Variants in EHD3 observed in about 807,000 individuals in gnomAD.
EHD3 encodes the protein EH domain containing 3, also known as EH domain-containing protein 3.
EHD3 carries 17 observed loss-of-function variants against 43.0 expected under a neutral mutation model. That is an observed-to-expected ratio of 0.40 (90% CI 0.27 to 0.59). The LOEUF (loss-of-function observed/expected upper bound fraction) is 0.59, where lower values mean the gene tolerates loss of function less well. Among genes scored for constraint, EHD3 ranks in the 20% least tolerant of loss-of-function variants. EHD3 has a pLI of 0.49. For missense variants in EHD3, 594 were observed against 705.6 expected, an observed-to-expected ratio of 0.84 and a Z score of 1.79; for synonymous variants, 313 against 289.5, an observed-to-expected ratio of 1.08 and a Z score of -0.82.
chr2:31,249,466 G>C lies in EHD3; in HGVS notation c.500G>C (p.Arg167Pro). The C allele has an allele frequency of 6.2e-7, 1 of 1,614,024 alleles. No homozygotes were observed. Among genetic ancestry groups the C allele is most frequent in the South Asian group, 1.1e-5 (1 of 91,076 alleles). The change falls in exon 3 of 6, where the codon CGG (arginine) becomes CCG (proline). Residue 167 changes from arginine to proline, a missense_variant and splice_region_variant. Arg to Pro is a moderately radical substitution (Grantham distance 103). Around this residue, in one of 3 missense-constraint regions of EHD3, gnomAD observed 243 missense variants for 296.7 expected, o/e 0.82. Transcript: ENST00000322054. The stretch of plus-strand genomic sequence containing the variant: ...TCTGGGGAGAAGCAGAGGATCAGCC[G>C]GGGTAAGCAACCTGCCTGAGGGGTG... Reference protein sequence around the residue: ...ILSGEKQRISRGYDFAAVLEW... With the variant: ...ILSGEKQRISPGYDFAAVLEW...
chr2:31,235,694 G>A (rs1423029537), intron 1 of EHD3, among the ~76,000 whole-genome samples: 1 of 152,282 alleles, frequency 6.6e-6, no homozygotes, highest in African/African-American at 2.4e-5. Flanking sequence ...CTCTGAGAAT[G>A]AGTCATCCAT....
chr2:31,244,048 A>G (rs143061503), intron 1 of EHD3, among the ~76,000 whole-genome samples: 4 of 152,298 alleles, frequency 2.6e-5, no homozygotes, highest in African/African-American at 9.6e-5. Context: ...AGAAAGGGAA[A>G]AAGATAAGGA....
Position 31,260,866 on chromosome 2 carries a change from C to G in EHD3, c.859C>G (p.Arg287Gly). The G allele has an allele frequency of 1.2e-6, 2 of 1,613,998 alleles. No homozygotes were observed. The highest frequency in any genetic ancestry group is 1.7e-6 in the Non-Finnish European group (2 of 1,179,966). Residue 287 changes from arginine to glycine, a missense_variant, in exon 4 of 6, where the codon CGA becomes GGA. Arg to Gly is a moderately radical substitution (Grantham distance 125, BLOSUM62 -2). Transcript: ENST00000322054. This position sits in a 1 kb window ranked among gnomAD's most constrained non-coding sequence, Gnocchi z 4.6. ...ATTCAGGGACATCCAGAGTCTGCCC[C>G]GAAATGCTGCCCTGCGCAAGCTCAA... is the stretch of plus-strand genomic sequence containing the variant. ...DLFRDIQSLPRNAALRKLNDL... is the reference protein window; with the variant it reads ...DLFRDIQSLPGNAALRKLNDL...
intron 3 of EHD3, among the ~76,000 whole-genome samples, chr2:31,259,261 ACCT>A (rs945151035): frequency 1.3e-5 from 2 of 151,962 alleles, no homozygotes; most frequent in African/African-American, 2.4e-5. Flanking sequence ...AAAGCCTAAC[ACCT>A]CCATCTTCAT....
chr2:31,254,974 C>A (rs1683722578), intron 3 of EHD3, among the ~76,000 whole-genome samples: 1 of 152,228 alleles, frequency 6.6e-6, no homozygotes, highest in African/African-American at 2.4e-5. Flanking sequence ...CATGCCAGGC[C>A]ATGATGGAAG....
In EHD3 at chr2:31,245,545, ATATATATATTT is replaced by A. The variant is rs1320529517; in HGVS notation, c.404+1097_404+1107del. Among the ~76,000 whole-genome samples the A allele has an allele frequency of 7.5e-3, 447 of 59,752 alleles. 2 individuals carry two copies. In the East Asian group the frequency reaches 0.14, roughly 18 times the overall value. The allele number at this position is 59,752 out of a possible 152,430, so 39.2% of individuals were successfully genotyped here. On this transcript the variant is annotated intron_variant, in intron 2 of 5. Coordinates refer to ENST00000322054, the MANE Select transcript of EHD3 (RefSeq NM_014600.3). ...TTATCCCAAATATATATATATATAT[ATATATATATTT>A]TTTTTTTTTTTTTTTTTTTGATGAG...
chr2:31,268,209 A>G lies in EHD3; in HGVS notation c.*1505A>G, dbSNP rs13377. 0.07 allele frequency: 10,684 copies of G among 152,758 alleles called. 509 individuals carry two copies. The highest frequency in any genetic ancestry group is 0.096 in the Non-Finnish European group (6,554 of 68,056). 9.5% of individuals were successfully genotyped at this position (152,758 alleles called of 1,614,324 possible). On this transcript the variant is annotated 3_prime_UTR_variant, in exon 6 of 6. Coordinates refer to ENST00000322054, the MANE Select transcript of EHD3 (RefSeq NM_014600.3). ...TGTGGTCTCTCCCCTGGCTTGCTTCATGGCCACTGAACCAATCACTTTGTA... is the reference window on the plus strand; with the variant it reads ...TGTGGTCTCTCCCCTGGCTTGCTTCGTGGCCACTGAACCAATCACTTTGTA...
intron 1 of EHD3, among the ~76,000 whole-genome samples, chr2:31,238,218 C>G (rs367854370): frequency 6.6e-6 from 1 of 152,304 alleles, no homozygotes; most frequent in East Asian, 1.9e-4. Flanking sequence ...GCCTAGGTCT[C>G]AGAAGGCCTC....
intron 3 of EHD3, among the ~76,000 whole-genome samples, chr2:31,251,399 C>A (rs1156312885): frequency 6.6e-6 from 1 of 152,214 alleles, no homozygotes; most frequent in African/African-American, 2.4e-5. Flanking sequence ...AGGGAAGACA[C>A]AGCCTGGAGT....
At chr2:31,253,365 G>C (rs1169172520) in intron 3 of EHD3, among the ~76,000 whole-genome samples, 1 of 152,040 alleles carries the variant, frequency 6.6e-6, no homozygotes, top group East Asian at 1.9e-4. Context: ...AGAGCAGACT[G>C]GGTGCTTCTC....
chr2:31,253,246 C>A (rs865996687), intron 3 of EHD3, among the ~76,000 whole-genome samples: 15 of 142,014 alleles, frequency 1.1e-4, no homozygotes, highest in East Asian at 2.1e-4. Context: ...CAACCCCCTC[C>A]CACACACACA....
At chr2:31,250,264 TTTTC>T (rs1683609766) in intron 3 of EHD3, among the ~76,000 whole-genome samples, 1 of 127,080 alleles carries the variant, frequency 7.9e-6, no homozygotes, top group Admixed American at 9.9e-5. Flanking sequence ...ATCATCGTTG[TTTTC>T]TTTTTTTTTT....
chr2:31,245,961 A>G (rs1360397637), intron 2 of EHD3, among the ~76,000 whole-genome samples: 2 of 152,194 alleles, frequency 1.3e-5, no homozygotes, highest in South Asian at 2.1e-4. Flanking sequence ...AGTCTAAGAC[A>G]GGGACAGGGA....
At position 31,253,580 on chromosome 2, in the gene EHD3, T is replaced by C. The variant is rs574437877; in HGVS notation, c.502+4112T>C. Among the ~76,000 whole-genome samples, 3 of 152,244 alleles carry C rather than the reference T, an allele frequency of 2.0e-5. No homozygotes were observed. The South Asian group carries it at 6.2e-4, about 32-fold the overall frequency. ...TCGGCACAGAGGCCCCTACTGGCCA[T>C]ATTAGACTGCCTGTTCTGCAAAGTG... On this transcript the variant is annotated intron_variant, in intron 3 of 5. Coordinates refer to ENST00000322054, the MANE Select transcript of EHD3 (RefSeq NM_014600.3).
At chr2:31,244,537 G>C in intron 2 of EHD3, 87 bp downstream of exon 2, 8 of 1,436,906 alleles carry the variant, frequency 5.6e-6, no homozygotes, top group Middle Eastern at 1.8e-4. Flanking sequence ...CAGGGTCTTG[G>C]GATGCTTGGT....
intron 3 of EHD3, among the ~76,000 whole-genome samples, chr2:31,256,816 C>T (rs1275430992): frequency 1.3e-5 from 2 of 152,216 alleles, no homozygotes; most frequent in Non-Finnish European, 2.9e-5. Context: ...CTGGTGGAGG[C>T]GTGGCTACAG....
chr2:31,254,539 C>T (rs6734397), intron 3 of EHD3, among the ~76,000 whole-genome samples: 52 of 152,344 alleles, frequency 3.4e-4, no homozygotes, highest in African/African-American at 1.2e-3. Context: ...ATTTCTTCCC[C>T]GTTGTCAGCC....
At chr2:31,254,146 G>A (rs1683692517) in intron 3 of EHD3, among the ~76,000 whole-genome samples, 1 of 152,146 alleles carries the variant, frequency 6.6e-6, no homozygotes, top group Admixed American at 6.5e-5. Flanking sequence ...ACACATCTAG[G>A]GAACTCGGGT....
chr2:31,238,555 C>G (rs1683362836), intron 1 of EHD3, among the ~76,000 whole-genome samples: 1 of 152,240 alleles, frequency 6.6e-6, no homozygotes, highest in African/African-American at 2.4e-5. Flanking sequence ...TGGCGGCTGC[C>G]CTCTCCAACA....
Sources: allele counts gnomAD v4.1 joint callset (sites outside exome capture counted in the v4.1 genomes callset), GRCh38; gene constraint gnomAD v4.1.1; regional missense constraint gnomAD v4.1.1; non-coding constraint Gnocchi (gnomAD v3.1); transcripts MANE v1.5; gene names NCBI Gene and HGNC (gene_info 2026-07-23, HGNC 2026-07-21).